IQSEC3: variants seen among roughly 807,000 people sequenced by gnomAD.
IQSEC3 encodes IQ motif and Sec7 domain ArfGEF 3.
Under a neutral mutation model 105.4 loss-of-function variants are expected in IQSEC3, and 50 were observed. That is an observed-to-expected ratio of 0.47 (90% CI 0.38 to 0.60). IQSEC3 has a LOEUF of 0.60. Among genes scored for constraint, IQSEC3 ranks in the 20% least tolerant of loss-of-function variants. IQSEC3 has a pLI of 0.00. For missense variants in IQSEC3, 1,415 were observed against 1,630.0 expected (o/e 0.87, Z 2.27); for synonymous variants, 708 against 746.0 (o/e 0.95, Z 0.83).
chr12:124,661 A>G (rs904368446), intron 2 of IQSEC3, among the ~76,000 whole-genome samples: 2 of 152,226 alleles, frequency 1.3e-5, no homozygotes, highest in Admixed American at 6.5e-5. Context: ...TGACTCTCTA[A>G]GGACAGCTCC....
rs184676231 is a variant in IQSEC3, at chr12:170,410, T to C, written c.3065-702T>C. Among the ~76,000 whole-genome samples, 576 of 152,278 alleles carry C rather than the reference T, an allele frequency of 3.8e-3. 3 individuals are homozygous for C. Among genetic ancestry groups the C allele is most frequent in the Non-Finnish European group, 6.4e-3 (435 of 68,016 alleles). On this transcript the variant is annotated intron_variant, in intron 12 of 13. Transcript: ENST00000538872. ...CCCTCCACAGCGGGGTCTTTCTCAT[T>C]CCCAAACAATGGTGCAGCTCCCTCT...
Position 141,230 on chromosome 12 carries a change from A to T in IQSEC3, c.2098A>T (p.Met700Leu), listed in dbSNP as rs201895451. 4 of 1,613,898 alleles carry T rather than the reference A, an allele frequency of 2.5e-6. No homozygotes were observed. Among genetic ancestry groups the T allele is most frequent in the East Asian group, 4.5e-5 (2 of 44,844 alleles). ...LLQRKGLSRQMIGEFLGNSKK... is the reference protein window; with the variant it reads ...LLQRKGLSRQLIGEFLGNSKK... Reference sequence around the variant, plus strand: ...CCAGCGAAAGGGCCTCAGCCGCCAGATGATTGGAGAGTTCCTGGGCAACAG... The same window carrying T: ...CCAGCGAAAGGGCCTCAGCCGCCAGTTGATTGGAGAGTTCCTGGGCAACAG... Residue 700 changes from methionine (M) to leucine (L), a missense_variant, in exon 5 of 14, where the codon ATG (methionine) becomes TTG (leucine). Physicochemically the swap from Met to Leu is conservative, Grantham distance 15 (BLOSUM62 2). Transcript: ENST00000538872.
chr12:125,132 C>G (rs1865343788), intron 2 of IQSEC3, among the ~76,000 whole-genome samples: 2 of 151,984 alleles, frequency 1.3e-5, no homozygotes, highest in Admixed American at 1.3e-4. Context: ...AGCCTGTGCC[C>G]AAGGAGCCGG....
At chr12:163,433 C>T (rs1489735836) in intron 8 of IQSEC3, 61 bp from the exon 9 acceptor site, 2 of 1,520,696 alleles carry the variant, frequency 1.3e-6, no homozygotes, top group Non-Finnish European at 8.8e-7. Flanking sequence ...AAAATGGGCG[C>T]GTGGGTGGGG....
chr12:174,631 G>A lies in IQSEC3; in HGVS notation c.3147G>A (p.Gln1049=), dbSNP rs1417387210. 3 of 1,569,790 alleles carry A rather than the reference G, an allele frequency of 1.9e-6. No homozygotes were observed. The highest frequency in any genetic ancestry group is 1.8e-5 in the Admixed American group (1 of 54,888). The stretch of plus-strand genomic sequence containing the variant: ...TTCACAACAGGCTTCAAACGTCCCA[G>A]CACAACTCCGGGCTGGGGGCCGAGA... ...VSIHNRLQTS[Q]HNSGLGAERG... Residue 1049 remains glutamine, a synonymous_variant, in exon 14 of 14, where the codon CAG becomes CAA. Coordinates refer to ENST00000538872, the MANE Select transcript of IQSEC3 (RefSeq NM_001170738.2).
chr12:87,877 G>C (rs879961574), intron 1 of IQSEC3, among the ~76,000 whole-genome samples: 5 of 152,216 alleles, frequency 3.3e-5, no homozygotes, highest in Non-Finnish European at 5.9e-5. Flanking sequence ...GGCTTTCAAA[G>C]TGTTTTAACT....
Position 157,118 on chromosome 12 carries a change from GA to G in IQSEC3, c.2249del (p.Lys750ArgfsTer55). The G allele has an allele frequency of 6.3e-7, 1 of 1,598,392 alleles. No individual in the cohort carries two copies. The highest frequency in any genetic ancestry group is 8.5e-7 in the Non-Finnish European group (1 of 1,172,368). On this transcript the variant is annotated frameshift_variant, in exon 6 of 14. Transcript: ENST00000538872. LOFTEE classifies it high-confidence loss of function. ...ACATCCGTGTGCAGGGGGAGGCTCA[GA>G]AGGTGGAGCGGCTCATTGAGGCCTT... is the stretch of plus-strand genomic sequence containing the variant. ...AHIRVQGEAQ[K>X]VERLIEAFSQ...
At chr12:97,578 G>A (rs2136914221) in intron 1 of IQSEC3, among the ~76,000 whole-genome samples, 1 of 152,330 alleles carries the variant, frequency 6.6e-6, no homozygotes, top group South Asian at 2.1e-4. Flanking sequence ...GCTTTAGGAG[G>A]CCAAGACGGG....
intron 2 of IQSEC3, among the ~76,000 whole-genome samples, chr12:102,188 GTCAGTCTGGCTCCTCCCCCA>G (rs1228928801): frequency 9.5e-5 from 11 of 115,632 alleles, no homozygotes; most frequent in South Asian, 9.1e-4. Context: ...CTCCTCCCCC[GTCAGTCTGGCTCCTCCCCCA>G]TCAGTCTGGC....
Position 174,585 on chromosome 12 carries a change from T to C in IQSEC3, c.3115-14T>C. ...TTGTAACATTTCATGCTTCTCTGGC[T>C]GTTTCTAAACTAGGTGTCAATTCAC... On this transcript the variant is annotated splice_polypyrimidine_tract_variant and intron_variant, in intron 13 of 13. Transcript: ENST00000538872. 6.6e-7 allele frequency: 1 copy of C among 1,521,536 alleles called. No individual in the cohort carries two copies. The highest frequency in any genetic ancestry group is 8.8e-7 in the Non-Finnish European group (1 of 1,139,786). 94.3% of individuals were successfully genotyped at this position (1,521,536 alleles called of 1,614,324 possible). A position where few individuals can be genotyped will look rare whatever the true frequency, so the allele number is the denominator to read the frequency against.
At chr12:102,420 G>C (rs1591653807) in intron 2 of IQSEC3, among the ~76,000 whole-genome samples, 1 of 152,228 alleles carries the variant, frequency 6.6e-6, no homozygotes, top group Non-Finnish European at 1.5e-5. Context: ...CTGCAGTCTG[G>C]CTAAGGCCGG....
chr12:69,865 C>T (rs1369294842), intron 1 of IQSEC3, among the ~76,000 whole-genome samples: 2 of 152,260 alleles, frequency 1.3e-5, no homozygotes, highest in South Asian at 2.1e-4. Flanking sequence ...TTCTCCTCTG[C>T]CCATAGTTGT....
At chr12:128,057 A>G (rs762874697) in intron 3 of IQSEC3, among the ~76,000 whole-genome samples, 1 of 152,048 alleles carries the variant, frequency 6.6e-6, no homozygotes, top group Admixed American at 6.5e-5. Context: ...CCTTGGCCTC[A>G]ATCTCTGAAG....
At chr12:96,825 G>T (rs1555074828) in intron 1 of IQSEC3, among the ~76,000 whole-genome samples, 1 of 152,180 alleles carries the variant, frequency 6.6e-6, no homozygotes, top group African/African-American at 2.4e-5. Flanking sequence ...GAATGCCCTT[G>T]GCTGAGAAGG....
chr12:109,116 G>C (rs575200963), intron 2 of IQSEC3, among the ~76,000 whole-genome samples: 2 of 152,344 alleles, frequency 1.3e-5, no homozygotes, highest in South Asian at 4.1e-4. Flanking sequence ...TTGCAAACTG[G>C]CATTTTCTAT....
At chr12:119,706 C>G (rs1214323437) in intron 2 of IQSEC3, among the ~76,000 whole-genome samples, 1 of 152,186 alleles carries the variant, frequency 6.6e-6, no homozygotes, top group Admixed American at 6.5e-5. Flanking sequence ...TTGGCCAATC[C>G]CACGTGGCAC....
Position 139,315 on chromosome 12 carries a change from G to A in IQSEC3, c.1952G>A (p.Arg651His). The change falls in exon 4 of 14, where the codon CGC (arginine) becomes CAC (histidine). Residue 651 changes from arginine to histidine, a missense_variant. By Grantham distance (29) the Arg-to-His change is conservative. Transcript: ENST00000538872. ...CCCACGCTCTCCACCGACACCCTGC[G>A]CAAGCGGCTCTACCGCATCGGCCTC... ...KSPTLSTDTL[R>H]KRLYRIGLNL... 1.3e-6 allele frequency: 2 copies of A among 1,595,126 alleles called. No homozygotes were observed. Among genetic ancestry groups the A allele is most frequent in the Non-Finnish European group, 1.7e-6 (2 of 1,171,704 alleles).
chr12:156,919 G>A, intron 5 of IQSEC3, 106 bp from the exon 6 acceptor site: 1 of 1,324,602 alleles, frequency 7.5e-7, no homozygotes, highest in Non-Finnish European at 9.8e-7. Flanking sequence ...TGAGTAGCCT[G>A]AGGGGCCCTG....
intron 3 of IQSEC3, 74 bp downstream of exon 3, chr12:125,986 G>GGATATCCCCGCT: frequency 3.6e-6 from 5 of 1,403,688 alleles, no homozygotes; most frequent in South Asian, 1.3e-5. Flanking sequence ...AGGGTACCAG[G>GGATATCCCCGCT]GATATCCCCG....
Sources: allele counts gnomAD v4.1 joint callset (sites outside exome capture counted in the v4.1 genomes callset), GRCh38; gene constraint gnomAD v4.1.1; transcripts MANE v1.5; gene names NCBI Gene and HGNC (gene_info 2026-07-23, HGNC 2026-07-21).